The following NRCAM variants were observed in gnomAD, a reference collection of about 807,000 sequenced individuals.
NRCAM encodes the protein NgCAM-related cell adhesion molecule.
In NRCAM, 83 loss-of-function variants were observed where a neutral mutation model predicts 156.5. That is an observed-to-expected ratio of 0.53 (90% CI 0.44 to 0.64). NRCAM has a LOEUF of 0.64. NRCAM is among the 30% of genes least tolerant of loss of function. NRCAM has a pLI of 0.00. For missense variants in NRCAM, 1,417 were observed against 1,597.3 expected, an observed-to-expected ratio of 0.89 and a Z score of 1.92; for synonymous variants, 538 against 563.9, an observed-to-expected ratio of 0.95 and a Z score of 0.65.
intron 3 of NRCAM, among the ~76,000 whole-genome samples, chr7:108,291,117 A>C (rs1401257327): frequency 6.6e-6 from 1 of 152,178 alleles, no homozygotes; most frequent in Admixed American, 6.6e-5. Context: ...TAGAAGATCA[A>C]AAGAAAAGGG....
chr7:108,173,389 T>TA (rs1315925644), intron 28 of NRCAM, among the ~76,000 whole-genome samples: 1 of 152,194 alleles, frequency 6.6e-6, no homozygotes, highest in African/African-American at 2.4e-5. Flanking sequence ...AAGATACATT[T>TA]AAAAAATTAA....
Position 108,182,726 on chromosome 7 carries a change from T to C in NRCAM, c.2499A>G (p.Pro833=), listed in dbSNP as rs2064219364. ...CTCCAGAATGTCCCATGACTACAGC[T>C]GGCTCGGGGGCAAACCCCATGTCAT... ...ALNDMGFAPE[P]AVVMGHSGED... Residue 833 remains proline (P), a synonymous_variant, in exon 23 of 33, where the codon CCA becomes CCG. Transcript: ENST00000379028. The C allele has an allele frequency of 2.5e-6, 4 of 1,614,246 alleles. No individual in the cohort carries two copies. Among genetic ancestry groups the C allele is most frequent in the Non-Finnish European group, 3.4e-6 (4 of 1,180,036 alleles).
At chr7:108,163,859 CTGGGTGGGGTGGCGGTAATGAGAGGT>C in intron 30 of NRCAM, among the ~76,000 whole-genome samples, 1 of 35,184 alleles carries the variant, frequency 2.8e-5, no homozygotes, top group African/African-American at 1.3e-4. Context: ...AGAGGTCATA[CTGGGTGGGGTGGCGGTAATGAGAGGT>C]CATACCGGGT....
At chr7:108,303,704 T>C (rs141877347) in intron 3 of NRCAM, among the ~76,000 whole-genome samples, 35 of 152,008 alleles carry the variant, frequency 2.3e-4, no homozygotes, top group Non-Finnish European at 4.9e-4. Flanking sequence ...TCATGTAGGA[T>C]CTAGTTGGCC....
rs10487852 is a variant in NRCAM, at chr7:108,383,244, T to C, written c.-174+16192A>G. ...AATCAAGATTAAGAATCCAAACATATTAAAGTGAGAATTGGGAGTTATTTT... is the reference window on the plus strand; with the variant it reads ...AATCAAGATTAAGAATCCAAACATACTAAAGTGAGAATTGGGAGTTATTTT... On this transcript the variant is annotated intron_variant, in intron 2 of 32. Transcript: ENST00000379028. Among the ~76,000 whole-genome samples the C allele has an allele frequency of 9.9e-3, 1,508 of 152,212 alleles. 12 individuals are homozygous for C. Among genetic ancestry groups the C allele is most frequent in the Middle Eastern group, 0.031 (9 of 294 alleles).
chr7:108,171,928 A>T (rs1177697023), intron 28 of NRCAM, among the ~76,000 whole-genome samples: 6 of 152,200 alleles, frequency 3.9e-5, no homozygotes, highest in Non-Finnish European at 1.5e-5. Flanking sequence ...TCTTTAGTAA[A>T]ATAATGTAGT....
intron 2 of NRCAM, among the ~76,000 whole-genome samples, chr7:108,324,880 T>TAA: frequency 2.1e-5 from 1 of 48,418 alleles, no homozygotes; most frequent in Admixed American, 1.9e-4. Flanking sequence ...CACTGTACTT[T>TAA]TTTTTTTTTT....
At chr7:108,300,234 A>ACACT (rs2098570152) in intron 3 of NRCAM, among the ~76,000 whole-genome samples, 1 of 148,678 alleles carries the variant, frequency 6.7e-6, no homozygotes, top group Non-Finnish European at 1.5e-5. Context: ...TATTGAAAAA[A>ACACT]CACTGCTTAG....
chr7:108,354,330 T>C (rs1046761933), intron 2 of NRCAM, among the ~76,000 whole-genome samples: 2 of 152,150 alleles, frequency 1.3e-5, no homozygotes, highest in African/African-American at 4.8e-5. Context: ...ATAAAAGACA[T>C]TTATCAAAAA....
At chr7:108,433,248 C>A (rs1827962272) in intron 1 of NRCAM, among the ~76,000 whole-genome samples, 1 of 152,086 alleles carries the variant, frequency 6.6e-6, no homozygotes, top group African/African-American at 2.4e-5. Context: ...CACCCCGCAA[C>A]CCAGCTACCT....
intron 23 of NRCAM, among the ~76,000 whole-genome samples, 184 bp from the exon 24 acceptor site, chr7:108,182,121 G>C (rs2063818488): frequency 6.6e-6 from 1 of 150,816 alleles, no homozygotes; most frequent in African/African-American, 2.4e-5. Flanking sequence ...TTTTTTAAGA[G>C]ATGGCATCTT....
At chr7:108,443,541 C>G (rs746816584) in intron 1 of NRCAM, among the ~76,000 whole-genome samples, 3 of 152,170 alleles carry the variant, frequency 2.0e-5, no homozygotes, top group Non-Finnish European at 4.4e-5. Context: ...GCTTTGCTTT[C>G]CTCAGCTTGA....
chr7:108,383,606 AC>A (rs1307867397), intron 2 of NRCAM, among the ~76,000 whole-genome samples: 1 of 152,184 alleles, frequency 6.6e-6, no homozygotes, highest in Non-Finnish European at 1.5e-5. Context: ...AATAGATCTA[AC>A]TCTTGGCTAC....
At position 108,347,845 on chromosome 7, in the gene NRCAM, ACT is replaced by A. The variant is rs572382686; in HGVS notation, c.-173-35116_-173-35115del. Among the ~76,000 whole-genome samples the A allele has an allele frequency of 4.0e-4, 60 of 151,846 alleles. 1 individual carries two copies. Among genetic ancestry groups the A allele is most frequent in the Middle Eastern group, 3.4e-3 (1 of 294 alleles). Reference sequence around the variant, plus strand: ...GAGACCTGTCTTTGGTTGAGCTCAGACTCTGTTCCCCAGCCAGTGAACTGAAC... The same window carrying A: ...GAGACCTGTCTTTGGTTGAGCTCAGACTGTTCCCCAGCCAGTGAACTGAAC... On this transcript the variant is annotated intron_variant, in intron 2 of 32. Coordinates refer to ENST00000379028, the MANE Select transcript of NRCAM (RefSeq NM_001037132.4).
rs143751462 is a variant in NRCAM, at chr7:108,422,661, G to C, written c.-331-23068C>G. On this transcript the variant is annotated intron_variant, in intron 1 of 32. Coordinates refer to ENST00000379028, the MANE Select transcript of NRCAM (RefSeq NM_001037132.4). ...AAAGGGCAATAGGAAGCTGAGGACT[G>C]AAGTGAATCTACACCCCCATAAAGA... Among the ~76,000 whole-genome samples, 3 of 151,788 alleles carry C rather than the reference G, an allele frequency of 2.0e-5. No individual in the cohort carries two copies. The East Asian group carries it at 5.8e-4, about 30-fold the overall frequency.
chr7:108,152,119 T>A (rs2042013345), intron 32 of NRCAM, among the ~76,000 whole-genome samples: 1 of 151,888 alleles, frequency 6.6e-6, no homozygotes, highest in African/African-American at 2.4e-5. Flanking sequence ...ATCAACATAA[T>A]AAAAAAAATT....
chr7:108,191,798 C>T lies in NRCAM; in HGVS notation c.1834G>A (p.Gly612Arg). ...GTGTTGGCCACACACGTGTAGGTCC[C>T]GCTGTCATCGTCACTGACATCAGCT... ...VVADVSDDDS[G>R]TYTCVANTTL... The change falls in exon 18 of 33, where the codon GGG (glycine) becomes AGG (arginine). Residue 612 changes from glycine (G) to arginine (R), a missense_variant. This residue lies in a region of NRCAM where 1,238 missense variants were observed against 1,336.4 expected (regional missense o/e 0.93). Transcript: ENST00000379028. 1.9e-6 allele frequency: 3 copies of T among 1,613,886 alleles called. No individual in the cohort carries two copies. Among genetic ancestry groups the T allele is most frequent in the Non-Finnish European group, 2.5e-6 (3 of 1,180,002 alleles).
At chr7:108,336,954 T>C (rs1480868680) in intron 2 of NRCAM, among the ~76,000 whole-genome samples, 1 of 152,126 alleles carries the variant, frequency 6.6e-6, no homozygotes, top group Non-Finnish European at 1.5e-5. Context: ...TAAATGTATT[T>C]TGCATTATAG....
intron 1 of NRCAM, among the ~76,000 whole-genome samples, chr7:108,410,914 T>C (rs58020288): frequency 0.054 from 8,235 of 152,282 alleles, 731 homozygotes; most frequent in African/African-American, 0.19. Context: ...ATAGTTTATA[T>C]AACATCTTTC....
Sources: gnomAD v4.1 joint callset for allele counts (sites outside exome capture counted in the v4.1 genomes callset) on GRCh38, gnomAD v4.1.1 for gene constraint, gnomAD v4.1.1 regional missense constraint, MANE v1.5 for transcripts, NCBI Gene and HGNC (gene_info 2026-07-23, HGNC 2026-07-21) for gene names.